Variants in GRM4 observed in about 807,000 individuals in gnomAD.
The protein encoded by GRM4 is metabotropic glutamate receptor 4.
In GRM4, 28 loss-of-function variants were observed where a neutral mutation model predicts 81.7. That is an observed-to-expected ratio of 0.34 (90% CI 0.25 to 0.47). The LOEUF (loss-of-function observed/expected upper bound fraction) is 0.47. Ranked by LOEUF, GRM4 falls within the 20% of genes least tolerant of loss-of-function variation. The pLI is 1.00. For synonymous variants in GRM4, 488 were observed against 528.8 expected (o/e 0.92, Z 1.06); for missense variants, 948 against 1,290.0 (o/e 0.73, Z 4.06).
At chr6:34,155,384 C>A in exon 1 of GRM4, 1 of 1,495,692 alleles carries the variant, frequency 6.7e-7, no homozygotes, top group Non-Finnish European at 8.9e-7. Context: ...GGCTCCCAAG[C>A]CGGCATCCTC....
In GRM4 at chr6:34,089,293, G is replaced by A. The variant is rs1242297950; in HGVS notation, c.736+2590C>T. On this transcript the variant is annotated intron_variant, in intron 3 of 10. Coordinates refer to ENST00000538487, the MANE Select transcript of GRM4 (RefSeq NM_000841.4). The surrounding 1 kb of genome is among the most constrained non-coding windows in gnomAD (Gnocchi z 4.3). ...CCAAAGACATCTTTAATCTTTCACA[G>A]GGATTAGGCTACAAGGTACAGTGGC... Among the ~76,000 whole-genome samples, 1 of 152,132 alleles carries A rather than the reference G, an allele frequency of 6.6e-6. No homozygotes were observed. Among genetic ancestry groups the A allele is most frequent in the African/African-American group, 2.4e-5 (1 of 41,416 alleles).
At chr6:34,127,232 C>G (rs533835263) in intron 2 of GRM4, among the ~76,000 whole-genome samples, 1 of 152,094 alleles carries the variant, frequency 6.6e-6, no homozygotes, top group African/African-American at 2.4e-5. Context: ...GGGAAAGAGA[C>G]AGAATAGCCA....
At chr6:34,132,868 A>T (rs1770298435) in intron 2 of GRM4, 110 bp downstream of exon 2, 2 of 852,872 alleles carry the variant, frequency 2.3e-6, no homozygotes, top group Non-Finnish European at 3.7e-6. Flanking sequence ...CCTTAGAGTG[A>T]GGAAAAAAGG....
At chr6:34,098,852 C>T (rs1442009685) in intron 2 of GRM4, among the ~76,000 whole-genome samples, 2 of 152,178 alleles carry the variant, frequency 1.3e-5, no homozygotes, top group South Asian at 2.1e-4. Context: ...TCCCCTACAG[C>T]GCCTTAGCTG....
At chr6:34,044,553 AAC>A (rs1278795695) in intron 6 of GRM4, among the ~76,000 whole-genome samples, 1 of 107,906 alleles carries the variant, frequency 9.3e-6, no homozygotes, top group East Asian at 3.0e-4. Flanking sequence ...CACACACACA[AAC>A]ACACAGACAT....
chr6:34,030,593 GC>G (rs1190000564), intron 9 of GRM4, among the ~76,000 whole-genome samples: 1 of 152,190 alleles, frequency 6.6e-6, no homozygotes. Flanking sequence ...ATGAACACAG[GC>G]AGGGCCAGCG....
At chr6:34,145,735 G>T (rs1482496772) in intron 1 of GRM4, among the ~76,000 whole-genome samples, 1 of 152,324 alleles carries the variant, frequency 6.6e-6, no homozygotes, top group East Asian at 1.9e-4. Context: ...TGCTGCACCC[G>T]AGGAGGCACG....
At chr6:34,054,397 G>A (rs898927758) in intron 6 of GRM4, 1 of 151,704 alleles carries the variant, frequency 6.6e-6, no homozygotes, top group African/African-American at 2.4e-5. Flanking sequence ...CCTGACCTCA[G>A]ATGAACTCCG....
chr6:34,080,875 C>T lies in GRM4; in HGVS notation c.736+11008G>A, dbSNP rs920625761. ...ACACACACATACACATACATATACA[C>T]ACACACACACACACAACCCTTACCA... On this transcript the variant is annotated intron_variant, in intron 3 of 10. Transcript: ENST00000538487. The surrounding 1 kb of genome is among the most constrained non-coding windows in gnomAD (Gnocchi z 5.4). Among the ~76,000 whole-genome samples the T allele has an allele frequency of 3.6e-4, 55 of 151,228 alleles. No individual in the cohort carries two copies. Among genetic ancestry groups the T allele is most frequent in the Non-Finnish European group, 6.2e-4 (42 of 67,732 alleles).
intron 3 of GRM4, among the ~76,000 whole-genome samples, chr6:34,072,618 A>C (rs1333757904): frequency 3.4e-4 from 1 of 2,918 alleles, no homozygotes; most frequent in Non-Finnish European, 8.5e-4. Context: ...ACACACACAC[A>C]TCACCGCATA....
chr6:34,148,593 T>C (rs541202740), upstream of GRM4, among the ~76,000 whole-genome samples: 8 of 152,334 alleles, frequency 5.3e-5, no homozygotes, highest in Middle Eastern at 3.4e-3. Context: ...GCCTGATTTC[T>C]AACCGTGTCT....
chr6:34,077,149 T>C (rs1767355428), intron 3 of GRM4, among the ~76,000 whole-genome samples: 1 of 152,122 alleles, frequency 6.6e-6, no homozygotes, highest in Admixed American at 6.5e-5. Context: ...GTAATTGTGA[T>C]AATCCAAAGT....
intron 2 of GRM4, among the ~76,000 whole-genome samples, chr6:34,096,997 T>G (rs1377357406): frequency 6.6e-6 from 1 of 151,830 alleles, no homozygotes; most frequent in East Asian, 2.0e-4. Flanking sequence ...AGCACATGGG[T>G]GCCCCGCACA....
chr6:34,132,628 T>C (rs1770287462), intron 2 of GRM4, among the ~76,000 whole-genome samples: 1 of 152,234 alleles, frequency 6.6e-6, no homozygotes, highest in Admixed American at 6.5e-5. Flanking sequence ...CCTCCCTCTG[T>C]CGTTCTCCAG....
At chr6:34,105,459 G>T (rs888604608) in intron 2 of GRM4, among the ~76,000 whole-genome samples, 1 of 152,114 alleles carries the variant, frequency 6.6e-6, no homozygotes, top group Non-Finnish European at 1.5e-5. Context: ...TATTTGACCC[G>T]GTAGTCCCTT....
intron 2 of GRM4, among the ~76,000 whole-genome samples, chr6:34,122,472 C>T (rs988925654): frequency 2.0e-5 from 3 of 152,112 alleles, no homozygotes; most frequent in African/African-American, 4.8e-5. Context: ...GCCCAGGCCT[C>T]GAGTGAGTGG....
At position 34,020,591 on chromosome 6, in the gene GRM4, G is replaced by A. The variant is rs1348371364; in HGVS notation, c.*2230C>T. 7.6e-6 allele frequency: 1 copy of A among 132,150 alleles called. No homozygotes were observed. Among genetic ancestry groups the A allele is most frequent in the Non-Finnish European group, 1.5e-5 (1 of 65,592 alleles). 8.2% of individuals were successfully genotyped at this position (132,150 alleles called of 1,614,324 possible). A position where few individuals can be genotyped will look rare whatever the true frequency, so the allele number is the denominator to read the frequency against. On this transcript the variant is annotated 3_prime_UTR_variant, in exon 11 of 11. Transcript: ENST00000538487. ...GAGATACCCTTGATCTGGCAACCTA[G>A]TTCTGCCTGACCGGGCTGGAGCACT...
rs1764590381 is a variant in GRM4 at position 34,034,458 on chromosome 6, G to A, written c.2442+1210C>T. Among the ~76,000 whole-genome samples, 1 of 152,194 alleles carries A rather than the reference G, an allele frequency of 6.6e-6. No individual in the cohort carries two copies. The highest frequency in any genetic ancestry group is 1.5e-5 in the Non-Finnish European group (1 of 68,044). ...GCATGACAGTGACCTTCTCACAGCTGCTCTTGGCAGCCAGAGGGTCCTTTT... is the reference window on the plus strand; with the variant it reads ...GCATGACAGTGACCTTCTCACAGCTACTCTTGGCAGCCAGAGGGTCCTTTT... On this transcript the variant is annotated intron_variant, in intron 9 of 10. Transcript: ENST00000538487. This position sits in a 1 kb window ranked among gnomAD's most constrained non-coding sequence, Gnocchi z 4.0.
intron 6 of GRM4, among the ~76,000 whole-genome samples, chr6:34,041,568 G>A (rs762809642): frequency 1.3e-5 from 2 of 152,166 alleles, no homozygotes; most frequent in Non-Finnish European, 2.9e-5. Flanking sequence ...CTCCTTGGTT[G>A]TCCACGTCAG....
Sources: gnomAD v4.1 joint callset for allele counts (sites outside exome capture counted in the v4.1 genomes callset) on GRCh38, gnomAD v4.1.1 for gene constraint, Gnocchi (gnomAD v3.1) non-coding constraint, MANE v1.5 for transcripts, NCBI Gene and HGNC (gene_info 2026-07-23, HGNC 2026-07-21) for gene names.